ARHGEF4: variants seen among roughly 807,000 people sequenced by gnomAD.
ARHGEF4 encodes APC-stimulated guanine nucleotide exchange factor 1.
ARHGEF4 carries 119 observed loss-of-function variants against 162.0 expected under a neutral mutation model. The ratio of observed to expected loss-of-function variants is 0.73; its 90% CI spans 0.63 to 0.86. The LOEUF is 0.86. ARHGEF4 is among the 40% of genes least tolerant of loss of function. ARHGEF4 has a pLI of 0.00. For missense variants in ARHGEF4, 2,488 were observed against 2,456.0 expected (o/e 1.01, Z -0.28); for synonymous variants, 1,014 against 979.9 (o/e 1.03, Z -0.65).
In ARHGEF4 at chr2:130,896,850, T is replaced by G. The variant is rs143689221; in HGVS notation, c.40-17136T>G. ...GAGCAGCAGGGCCACACTGCTCACA[T>G]TGGGGGCTCTCCAATGGTTTTATGG... is the stretch of plus-strand genomic sequence containing the variant. On this transcript the variant is annotated intron_variant, in intron 1 of 13. Transcript: ENST00000409359. Among the ~76,000 whole-genome samples the G allele has an allele frequency of 3.2e-3, 489 of 152,196 alleles. 7 individuals carry two copies. Among genetic ancestry groups the G allele is most frequent in the African/African-American group, 0.011 (453 of 41,554 alleles).
intron 1 of ARHGEF4, among the ~76,000 whole-genome samples, chr2:130,887,070 G>A (rs1438966487): frequency 2.6e-5 from 4 of 152,022 alleles, no homozygotes; most frequent in African/African-American, 9.7e-5. Context: ...ATCAGGCAGT[G>A]TAGTTTCCCA....
At chr2:130,922,772 T>G (rs1046035451) in intron 2 of ARHGEF4, among the ~76,000 whole-genome samples, 1 of 151,732 alleles carries the variant, frequency 6.6e-6, no homozygotes, top group Non-Finnish European at 1.5e-5. Flanking sequence ...ATTTTTTTTT[T>G]TCACTCTCTT....
intron 1 of ARHGEF4, among the ~76,000 whole-genome samples, chr2:130,903,119 A>T (rs1432932598): frequency 1.7e-4 from 24 of 144,546 alleles, no homozygotes; most frequent in South Asian, 2.1e-4. Context: ...TCTTCTGCTT[A>T]TTTTTTTTTT....
At position 130,914,221 on chromosome 2, in the gene ARHGEF4, T is replaced by C. The variant is rs1344905620; in HGVS notation, c.275T>C (p.Leu92Pro). The change falls in exon 2 of 14, where the codon CTA (leucine) becomes CCA (proline). Residue 92 changes from leucine (L) to proline (P), a missense_variant. Physicochemically the swap from Leu to Pro is moderately conservative, Grantham distance 98. This residue lies in a region of ARHGEF4 where 171 missense variants were observed against 169.4 expected (regional missense o/e 1.01). Coordinates refer to ENST00000409359, the MANE Select transcript of ARHGEF4 (RefSeq NM_001367493.1). ...GYLPRGVFHP[L>P]RGTPVDIEAP... is the part of the protein sequence containing the mutation. ...CTCCCGAGGGGAGTCTTCCACCCTCTAAGAGGTACTCCCGTAGATATAGAA... is the reference window on the plus strand; with the variant it reads ...CTCCCGAGGGGAGTCTTCCACCCTCCAAGAGGTACTCCCGTAGATATAGAA... 1 of 1,536,066 alleles carries C rather than the reference T, an allele frequency of 6.5e-7. No homozygotes were observed. Among genetic ancestry groups the C allele is most frequent in the Admixed American group, 2.0e-5 (1 of 50,994 alleles).
intron 1 of ARHGEF4, among the ~76,000 whole-genome samples, chr2:130,910,823 CAG>C (rs1411315614): frequency 1.3e-5 from 2 of 152,124 alleles, no homozygotes; most frequent in Admixed American, 1.3e-4. Context: ...AAATCAGAAA[CAG>C]ATAACTAACA....
chr2:130,880,258 G>C (rs1412786942), intron 1 of ARHGEF4, among the ~76,000 whole-genome samples: 1 of 152,182 alleles, frequency 6.6e-6, no homozygotes, highest in Non-Finnish European at 1.5e-5. Context: ...GGCTGAGGAA[G>C]GTGGTGTCAT....
At chr2:130,841,894 C>G (rs573220471) in intron 1 of ARHGEF4, among the ~76,000 whole-genome samples, 1 of 152,338 alleles carries the variant, frequency 6.6e-6, no homozygotes, top group South Asian at 2.1e-4. Flanking sequence ...CACCTGCCGG[C>G]TCTTGGACTC....
chr2:130,926,052 T>C (rs200768132), intron 2 of ARHGEF4, among the ~76,000 whole-genome samples: 1,823 of 98,272 alleles, frequency 0.019, 19 homozygotes, highest in South Asian at 0.034. Context: ...TTCTTTCTCT[T>C]TCTTTCTTTC....
intron 5 of ARHGEF4, among the ~76,000 whole-genome samples, chr2:131,029,996 C>T (rs1573659073): frequency 6.6e-6 from 1 of 152,172 alleles, no homozygotes; most frequent in Admixed American, 6.5e-5. Context: ...GGCTGTGACA[C>T]CAGATGGTGT....
chr2:130,976,345 G>GTGTT (rs1044654664), intron 4 of ARHGEF4, among the ~76,000 whole-genome samples: 1 of 62,774 alleles, frequency 1.6e-5, no homozygotes, highest in Admixed American at 2.3e-4. Context: ...GTGTGTGTGT[G>GTGTT]TGTCTGTGTG....
At chr2:130,870,770 G>C (rs1442819116) in intron 1 of ARHGEF4, among the ~76,000 whole-genome samples, 1 of 152,202 alleles carries the variant, frequency 6.6e-6, no homozygotes, top group East Asian at 1.9e-4. Flanking sequence ...AGCAGCAGAC[G>C]GTCACCCAGC....
rs1316880993 is a variant in ARHGEF4 at position 131,044,337 on chromosome 2, G to A, written c.5196G>A (p.Arg1732=). 6.2e-7 allele frequency: 1 copy of A among 1,609,354 alleles called. No homozygotes were observed. Among genetic ancestry groups the A allele is most frequent in the Admixed American group, 1.7e-5 (1 of 59,544 alleles). ...LRRDVLYYKG[R]LDMDGLEVVD... ...GCGACGTGTTGTACTACAAGGGCCG[G>A]CTGGACATGGACGGCCTGGAGGTGG... Residue 1732 remains arginine (R), a synonymous_variant, in exon 12 of 14, where the codon CGG becomes CGA. Coordinates refer to ENST00000409359, the MANE Select transcript of ARHGEF4 (RefSeq NM_001367493.1).
In ARHGEF4 at chr2:130,917,110, C is replaced by A. The variant is rs1001393966; in HGVS notation, c.3164C>A (p.Ser1055Tyr). Residue 1055 changes from serine to tyrosine, a missense_variant, in exon 2 of 14, where the codon TCC (serine) becomes TAC (tyrosine). Physicochemically the swap from Ser to Tyr is moderately radical, Grantham distance 144. Coordinates refer to ENST00000409359, the MANE Select transcript of ARHGEF4 (RefSeq NM_001367493.1). ...TTTCCGGAAAAGTCCTGGCTGGCGT[C>A]CCCCGGCAGCCCTCGGGCCCAGCAG... ...GIFPEKSWLA[S>Y]PGSPRAQQAG... 11 of 1,550,332 alleles carry A rather than the reference C, an allele frequency of 7.1e-6. 1 individual carries two copies. In the South Asian group the frequency reaches 7.1e-5, roughly 10 times the overall value.
At chr2:130,894,862 C>T (rs77655120) in intron 1 of ARHGEF4, among the ~76,000 whole-genome samples, 88 of 152,214 alleles carry the variant, frequency 5.8e-4, no homozygotes, top group African/African-American at 2.1e-3. Flanking sequence ...ATGCCCTCCC[C>T]CATTAGTTTC....
At chr2:130,983,742 C>T (rs1377871652) in intron 4 of ARHGEF4, among the ~76,000 whole-genome samples, 3 of 152,072 alleles carry the variant, frequency 2.0e-5, no homozygotes, top group Non-Finnish European at 2.9e-5. Flanking sequence ...CTCCGCCTCC[C>T]GGGTTCATGC....
At chr2:130,901,395 T>C (rs774392775) in intron 1 of ARHGEF4, among the ~76,000 whole-genome samples, 35 of 152,280 alleles carry the variant, frequency 2.3e-4, no homozygotes, top group Non-Finnish European at 3.7e-4. Flanking sequence ...TGGGTGTGCA[T>C]AGCCCTTGTT....
At chr2:130,925,725 C>T (rs1004554441) in intron 2 of ARHGEF4, among the ~76,000 whole-genome samples, 4 of 152,118 alleles carry the variant, frequency 2.6e-5, no homozygotes, top group Non-Finnish European at 5.9e-5. Context: ...TGTCTTTTTA[C>T]CCTCTCACTG....
At chr2:130,907,182 G>A (rs1436821189) in intron 1 of ARHGEF4, among the ~76,000 whole-genome samples, 1 of 147,932 alleles carries the variant, frequency 6.8e-6, no homozygotes, top group African/African-American at 2.5e-5. Flanking sequence ...GTCCTTCCAA[G>A]TTACTGTGTA....
chr2:130,952,813 A>G (rs1179880453), intron 4 of ARHGEF4, among the ~76,000 whole-genome samples: 1 of 152,222 alleles, frequency 6.6e-6, no homozygotes, highest in Admixed American at 6.5e-5. Context: ...CAATTGTTAC[A>G]AAGAGAATAA....
Sources: gnomAD v4.1 joint callset for allele counts (sites outside exome capture counted in the v4.1 genomes callset) on GRCh38, gnomAD v4.1.1 for gene constraint, gnomAD v4.1.1 regional missense constraint, MANE v1.5 for transcripts, NCBI Gene and HGNC (gene_info 2026-07-23, HGNC 2026-07-21) for gene names.